PRKG1: variants seen among roughly 807,000 people sequenced by gnomAD.
PRKG1 encodes the protein protein kinase cGMP-dependent 1, also known as cGMP-dependent protein kinase 1.
In PRKG1, 35 loss-of-function variants were observed where a neutral mutation model predicts 88.1. The observed-to-expected ratio is 0.40, with a 90% CI of 0.30 to 0.53. The LOEUF (loss-of-function observed/expected upper bound fraction) is 0.53, where lower values mean the gene tolerates loss of function less well. Ranked by LOEUF, PRKG1 falls within the 20% of genes least tolerant of loss-of-function variation. The pLI is 0.59. For missense variants in PRKG1, 540 were observed against 839.8 expected (o/e 0.64, Z 4.41); for synonymous variants, 303 against 292.5 (o/e 1.04, Z -0.37).
At chr10:52,293,490 A>T (rs924854767) in intron 17 of PRKG1, among the ~76,000 whole-genome samples, 2 of 152,210 alleles carry the variant, frequency 1.3e-5, no homozygotes, top group African/African-American at 2.4e-5. Flanking sequence ...TGGAGGCATC[A>T]CGCTACATGA....
At chr10:51,812,721 C>T (rs932997601) in intron 4 of PRKG1, among the ~76,000 whole-genome samples, 14 of 152,110 alleles carry the variant, frequency 9.2e-5, no homozygotes, top group South Asian at 2.1e-4. Context: ...AGAAATGCTT[C>T]GTTGTTGTTG....
chr10:52,067,503 A>T (rs1846382430), intron 7 of PRKG1, among the ~76,000 whole-genome samples: 2 of 152,166 alleles, frequency 1.3e-5, no homozygotes, highest in Non-Finnish European at 2.9e-5. Context: ...TTTCTCCAGA[A>T]CTCAGCCTCA....
chr10:51,782,920 T>A (rs918238648), intron 3 of PRKG1, among the ~76,000 whole-genome samples: 3 of 152,116 alleles, frequency 2.0e-5, no homozygotes, highest in African/African-American at 7.2e-5. Flanking sequence ...AATGGACTAA[T>A]ACAGACCTGT....
chr10:52,204,390 G>T (rs531455801), intron 9 of PRKG1, among the ~76,000 whole-genome samples: 1 of 150,768 alleles, frequency 6.6e-6, no homozygotes, highest in East Asian at 2.0e-4. Context: ...CCAACTGTTA[G>T]CTGGTTGTTA....
At chr10:51,703,736 T>C (rs1209492444) in intron 3 of PRKG1, among the ~76,000 whole-genome samples, 1 of 152,172 alleles carries the variant, frequency 6.6e-6, no homozygotes, top group Non-Finnish European at 1.5e-5. Context: ...AATTAAAAGT[T>C]TGGGGCCCTA....
At chr10:51,607,834 G>T (rs1362838801) in intron 3 of PRKG1, among the ~76,000 whole-genome samples, 2 of 151,888 alleles carry the variant, frequency 1.3e-5, no homozygotes, top group Non-Finnish European at 2.9e-5. Context: ...CCAGATATTT[G>T]ATTAAAAAAA....
intron 5 of PRKG1, among the ~76,000 whole-genome samples, chr10:51,939,094 A>G (rs1437491247): frequency 2.0e-5 from 3 of 151,988 alleles, no homozygotes; most frequent in African/African-American, 4.8e-5. Context: ...AGTTTATCCT[A>G]TGAATCCTCT....
At chr10:51,963,894 A>G (rs566778551) in intron 5 of PRKG1, among the ~76,000 whole-genome samples, 2 of 152,302 alleles carry the variant, frequency 1.3e-5, no homozygotes, top group African/African-American at 2.4e-5. Flanking sequence ...TTAGTTTCCT[A>G]TTGCTGCTGT....
chr10:51,288,467 A>G (rs1840499483), intron 2 of PRKG1, among the ~76,000 whole-genome samples: 1 of 152,210 alleles, frequency 6.6e-6, no homozygotes, highest in Non-Finnish European at 1.5e-5. Flanking sequence ...TGAAGAACAA[A>G]CTTGTTTTCA....
At chr10:51,219,705 A>G (rs887265274) in intron 2 of PRKG1, among the ~76,000 whole-genome samples, 1 of 151,636 alleles carries the variant, frequency 6.6e-6, no homozygotes, top group Non-Finnish European at 1.5e-5. Context: ...GCGAGACTCC[A>G]TCTCAAAAAA....
intron 3 of PRKG1, among the ~76,000 whole-genome samples, chr10:51,589,617 T>C (rs2132204558): frequency 6.6e-6 from 1 of 152,210 alleles, no homozygotes; most frequent in East Asian, 1.9e-4. Context: ...AGTGAGACTC[T>C]GTCTCAAAAA....
At chr10:51,471,708 T>C (rs1242443486) in intron 3 of PRKG1, among the ~76,000 whole-genome samples, 3 of 152,050 alleles carry the variant, frequency 2.0e-5, no homozygotes, top group Non-Finnish European at 4.4e-5. Flanking sequence ...AACATTAAAT[T>C]GAAGCCCTAC....
rs919088996 is a variant in PRKG1, at chr10:51,516,456, C to T, written c.592+48620C>T. On this transcript the variant is annotated intron_variant, in intron 3 of 17. Transcript: ENST00000373980. ...AAAAAAAAAATTCAAAAAGAACAATCGGGAGAGAGCAGGCACACAGGGATA... is the reference window on the plus strand; with the variant it reads ...AAAAAAAAAATTCAAAAAGAACAATTGGGAGAGAGCAGGCACACAGGGATA... Among the ~76,000 whole-genome samples, 6 of 151,958 alleles carry T rather than the reference C, an allele frequency of 3.9e-5. No homozygotes were observed. In the South Asian group the frequency reaches 6.2e-4, roughly 16 times the overall value.
At position 51,611,651 on chromosome 10, in the gene PRKG1, ATT is replaced by A. The variant is rs763522591; in HGVS notation, c.592+143828_592+143829del. Among the ~76,000 whole-genome samples, 163 of 129,052 alleles carry A rather than the reference ATT, an allele frequency of 1.3e-3. 3 individuals carry two copies. The South Asian group carries it at 0.025, about 20-fold the overall frequency. 84.7% of individuals were successfully genotyped at this position (129,052 alleles called of 152,430 possible). ...TAATTTAATATAGTCCCATTTGTCT[ATT>A]TTTTTTTTTTTTGCAGCCTGTGCTT... On this transcript the variant is annotated intron_variant, in intron 3 of 17. Transcript: ENST00000373980.
At chr10:51,628,177 C>A (rs570107244) in intron 3 of PRKG1, among the ~76,000 whole-genome samples, 19 of 77,056 alleles carry the variant, frequency 2.5e-4, no homozygotes, top group African/African-American at 7.0e-4. Flanking sequence ...TATTTCTTTT[C>A]TTTCTTTTCT....
chr10:51,109,407 A>G (rs896812988), intron 1 of PRKG1, among the ~76,000 whole-genome samples: 4 of 152,150 alleles, frequency 2.6e-5, no homozygotes, highest in Admixed American at 2.6e-4. Context: ...TAGAGAGTCC[A>G]GAAACCGACA....
At chr10:52,214,490 A>C (rs938155715) in intron 9 of PRKG1, among the ~76,000 whole-genome samples, 1 of 152,184 alleles carries the variant, frequency 6.6e-6, no homozygotes, top group African/African-American at 2.4e-5. Flanking sequence ...ATAGATAAAC[A>C]CATCTCAGAC....
chr10:51,510,888 C>G (rs868280572), intron 3 of PRKG1, among the ~76,000 whole-genome samples: 1 of 150,952 alleles, frequency 6.6e-6, no homozygotes. Context: ...GGACTACAGG[C>G]GCCCACCACC....
At chr10:51,346,324 T>A (rs560574059) in intron 2 of PRKG1, among the ~76,000 whole-genome samples, 110 of 152,338 alleles carry the variant, frequency 7.2e-4, no homozygotes, top group African/African-American at 2.5e-3. Context: ...TGCGGCTGGG[T>A]TTTATTTGAA....
Sources: gnomAD v4.1 joint callset for allele counts (sites outside exome capture counted in the v4.1 genomes callset) on GRCh38, gnomAD v4.1.1 for gene constraint, MANE v1.5 for transcripts, NCBI Gene and HGNC (gene_info 2026-07-23, HGNC 2026-07-21) for gene names.